ZNF302: variants seen among roughly 807,000 people sequenced by gnomAD.
ZNF302 encodes the protein zinc finger protein 302, also known as zinc finger protein 327.
Under a neutral mutation model 10.8 loss-of-function variants are expected in ZNF302, and 12 were observed. That is an observed-to-expected ratio of 1.11 (90% CI 0.71 to 1.79). ZNF302 has a LOEUF of 1.79. Ranked by LOEUF, ZNF302 falls within the 40% of genes most tolerant of loss-of-function variation. ZNF302 has a pLI of 0.00. For synonymous variants in ZNF302, 178 were observed against 157.5 expected (o/e 1.13, Z -0.98); for missense variants, 461 against 471.1 (o/e 0.98, Z 0.20).
Position 34,685,200 on chromosome 19 carries a change from A to G in ZNF302, c.1163A>G (p.Gln388Arg). Residue 388 changes from glutamine to arginine, a missense_variant, in exon 5 of 5, where the codon CAG becomes CGG. Transcript: ENST00000505242. ...FSSFSFLVQH[Q>R]SIHTEEKPFE... ...AGCTTCTCATTTCTTGTTCAACATC[A>G]GAGTATTCATACTGAAGAAAAACCG... The G allele has an allele frequency of 1.2e-6, 2 of 1,608,824 alleles. No homozygotes were observed. The highest frequency in any genetic ancestry group is 1.7e-6 in the Non-Finnish European group (2 of 1,177,740).
upstream of ZNF302, chr19:34,676,992 C>T (rs1273886394): frequency 6.6e-6 from 1 of 152,038 alleles, no homozygotes; most frequent in Non-Finnish European, 1.5e-5. Flanking sequence ...CACTCAAGTT[C>T]AGTATTTCCA....
rs116552744 is a variant in ZNF302, at chr19:34,685,134, A to G, written c.1097A>G (p.Lys366Arg). 1.9e-3 allele frequency: 3,091 copies of G among 1,611,474 alleles called. 23 individuals carry two copies. Among genetic ancestry groups the G allele is most frequent in the African/African-American group, 0.018 (1,362 of 74,850 alleles). The change falls in exon 5 of 5, where the codon AAG becomes AGG. Residue 366 changes from lysine to arginine, a missense_variant. Physicochemically the swap from Lys to Arg is conservative, Grantham distance 26. Coordinates refer to ENST00000505242, the MANE Select transcript of ZNF302 (RefSeq NM_001289187.2). ...LTQHQRIHSMKKKYECNKCLK... is the reference protein window; with the variant it reads ...LTQHQRIHSMRKKYECNKCLK... Reference sequence around the variant, plus strand: ...CAACATCAAAGAATTCACAGTATGAAGAAAAAATATGAATGCAACAAATGT... The same window carrying G: ...CAACATCAAAGAATTCACAGTATGAGGAAAAAATATGAATGCAACAAATGT...
intron 2 of ZNF302, among the ~76,000 whole-genome samples, chr19:34,680,672 G>C (rs968660574): frequency 6.6e-6 from 1 of 152,218 alleles, no homozygotes; most frequent in Non-Finnish European, 1.5e-5. Flanking sequence ...GGGGAAGAAA[G>C]AAGCATCCCT....
intron 2 of ZNF302, among the ~76,000 whole-genome samples, chr19:34,681,051 T>C (rs1354677345): frequency 1.3e-5 from 2 of 152,224 alleles, no homozygotes; most frequent in African/African-American, 2.4e-5. Flanking sequence ...CGAATTTTAA[T>C]TATTTTCTCC....
chr19:34,679,182 A>G (rs1048318406), intron 2 of ZNF302, among the ~76,000 whole-genome samples: 1 of 152,218 alleles, frequency 6.6e-6, no homozygotes, highest in Non-Finnish European at 1.5e-5. Flanking sequence ...CTTATAACTC[A>G]TATTCAGGTC....
intron 2 of ZNF302, chr19:34,679,868 T>C (rs1467384574): frequency 4.3e-6 from 3 of 703,006 alleles, no homozygotes; most frequent in African/African-American, 1.7e-5. Flanking sequence ...AATGGATGCT[T>C]AGTAAGTAAT....
chr19:34,678,950 A>G, intron 2 of ZNF302, 137 bp downstream of exon 2: 1 of 1,020,452 alleles, frequency 9.8e-7, no homozygotes, highest in Non-Finnish European at 1.5e-6. Flanking sequence ...CTATAGGAAG[A>G]ATGGAGCCCA....
Position 34,680,067 on chromosome 19 carries a change from C to T in ZNF302, c.9+1254C>T, listed in dbSNP as rs137867523. On this transcript the variant is annotated intron_variant, in intron 2 of 4. Transcript: ENST00000505242. ...GTGCATGCCTGTTGTCCCAGTTACT[C>T]GGGAGGCTGATGAGGTAGGAAGATT... The T allele has an allele frequency of 7.3e-4, 471 of 642,130 alleles. 3 individuals are homozygous for T. The highest frequency in any genetic ancestry group is 6.8e-3 in the African/African-American group (376 of 55,602). The allele number at this position is 642,130 out of a possible 1,614,324, so 39.8% of individuals were successfully genotyped here. A position where few individuals can be genotyped will look rare whatever the true frequency, so the allele number is the denominator to read the frequency against.
At chr19:34,680,687 C>T (rs964093770) in intron 2 of ZNF302, among the ~76,000 whole-genome samples, 22 of 152,252 alleles carry the variant, frequency 1.4e-4, no homozygotes, top group Middle Eastern at 3.4e-3. Flanking sequence ...ATCCCTGGCT[C>T]TAAGTTGTAA....
rs1315588661 is a variant in ZNF302 at position 34,685,630 on chromosome 19, A to G, written c.*393A>G. ...CCTATACATGTGAGAAATCTTACAG[A>G]AGAGAAGCAGTGTTTATCACGGTAA... On this transcript the variant is annotated 3_prime_UTR_variant, in exon 5 of 5. Transcript: ENST00000505242. 1 of 1,003,098 alleles carries G rather than the reference A, an allele frequency of 1.0e-6. No individual in the cohort carries two copies. Among genetic ancestry groups the G allele is most frequent in the Non-Finnish European group, 1.5e-6 (1 of 647,198 alleles). 62.1% of individuals were successfully genotyped at this position (1,003,098 alleles called of 1,614,324 possible). A position where few individuals can be genotyped will look rare whatever the true frequency, so the allele number is the denominator to read the frequency against.
chr19:34,683,587 C>T (rs116739501), intron 4 of ZNF302, among the ~76,000 whole-genome samples: 2,881 of 152,194 alleles, frequency 0.019, 98 homozygotes, highest in African/African-American at 0.064. Context: ...GATGGAAAAT[C>T]ACTTTTCTAA....
At chr19:34,679,680 T>C in intron 2 of ZNF302, 1 of 536,912 alleles carries the variant, frequency 1.9e-6, no homozygotes, top group Middle Eastern at 4.9e-4. Context: ...TCACCTTCCC[T>C]AGCGCTTCCA....
rs200255647 is a variant in ZNF302, at chr19:34,683,156, T to A, written c.132T>A (p.Gly44=). The A allele has an allele frequency of 2.9e-4, 463 of 1,613,934 alleles. 1 individual carries two copies. Among genetic ancestry groups the A allele is most frequent in the Non-Finnish European group, 3.6e-4 (420 of 1,179,956 alleles). ...VQNYENLVSV[G]LSVTKPYVIM... ...ATTCTATATTTTTCCTGTAAGCAGG[T>A]CTTTCCGTAACTAAGCCATATGTGA... Residue 44 remains glycine (G), a splice_region_variant and synonymous_variant, in exon 4 of 5, where the codon GGT becomes GGA. Transcript: ENST00000505242.
chr19:34,676,348 G>A (rs1384329139), upstream of ZNF302: 1 of 152,162 alleles, frequency 6.6e-6, no homozygotes, highest in East Asian at 1.9e-4. Flanking sequence ...GCTCATCAGT[G>A]CCATGGCAAT....
Position 34,685,785 on chromosome 19 carries a change from A to G in ZNF302, c.*548A>G. 2.1e-6 allele frequency: 1 copy of G among 476,304 alleles called. No homozygotes were observed. 29.5% of individuals were successfully genotyped at this position (476,304 alleles called of 1,614,324 possible). ...TTTTTTATTAGAGTTTATACTGTAGAGAAATCATATGAAGTCAATAAATGT... is the reference window on the plus strand; with the variant it reads ...TTTTTTATTAGAGTTTATACTGTAGGGAAATCATATGAAGTCAATAAATGT... On this transcript the variant is annotated 3_prime_UTR_variant, in exon 5 of 5. Transcript: ENST00000505242.
chr19:34,684,999 C>T lies in ZNF302; in HGVS notation c.962C>T (p.Ala321Val). 1 of 1,613,930 alleles carries T rather than the reference C, an allele frequency of 6.2e-7. No individual in the cohort carries two copies. The highest frequency in any genetic ancestry group is 1.6e-4 in the Middle Eastern group (1 of 6,062). ...TATGAGTGTCGTATATGTGGAAAGGCCTTCATTCATAGTTCGTCTCTCATT... is the reference window on the plus strand; with the variant it reads ...TATGAGTGTCGTATATGTGGAAAGGTCTTCATTCATAGTTCGTCTCTCATT... ...KRYECRICGK[A>V]FIHSSSLIHH... The change falls in exon 5 of 5, where the codon GCC becomes GTC. Residue 321 changes from alanine (A) to valine (V), a missense_variant. Coordinates refer to ENST00000505242, the MANE Select transcript of ZNF302 (RefSeq NM_001289187.2).
At chr19:34,676,511 A>T (rs1181629946), upstream of ZNF302, 1 of 152,162 alleles carries the variant, frequency 6.6e-6, no homozygotes. Flanking sequence ...CAATAAATAC[A>T]AGTATCCCTA....
rs1419472789 is a variant in ZNF302 at position 34,684,953 on chromosome 19, A to G, written c.916A>G (p.Ile306Val). 3 of 1,614,042 alleles carry G rather than the reference A, an allele frequency of 1.9e-6. No individual in the cohort carries two copies. The East Asian group carries it at 6.7e-5, about 36-fold the overall frequency. ...RVSLLIQHLR[I>V]HTQEKRYECR... ...GTCCCTTCTCATTCAGCATCTAAGA[A>G]TTCATACGCAAGAAAAACGCTATGA... Residue 306 changes from isoleucine (I) to valine (V), a missense_variant, in exon 5 of 5, where the codon ATT (isoleucine) becomes GTT (valine). Ile to Val is a conservative substitution (Grantham distance 29). Coordinates refer to ENST00000505242, the MANE Select transcript of ZNF302 (RefSeq NM_001289187.2).
chr19:34,683,870 C>G (rs2068489226), intron 4 of ZNF302: 3 of 878,188 alleles, frequency 3.4e-6, no homozygotes, highest in Non-Finnish European at 4.6e-6. Context: ...GGCTATGAAA[C>G]AAAATGCAAC....
Sources: gnomAD v4.1 joint callset for allele counts (sites outside exome capture counted in the v4.1 genomes callset) on GRCh38, gnomAD v4.1.1 for gene constraint, MANE v1.5 for transcripts, NCBI Gene and HGNC (gene_info 2026-07-23, HGNC 2026-07-21) for gene names.